The following OLFML2A variants were observed in gnomAD, a reference collection of about 807,000 sequenced individuals.
OLFML2A encodes olfactomedin like 2A.
In OLFML2A, 47 loss-of-function variants were observed where a neutral mutation model predicts 60.9. That is an observed-to-expected ratio of 0.77 (90% CI 0.61 to 0.98). The LOEUF is 0.98. Among genes scored for constraint, OLFML2A ranks in the 50% least tolerant of loss-of-function variants. The probability of loss-of-function intolerance (pLI) is 0.00; values close to 1 mark genes in which losing one functional copy is unlikely to be tolerated. For synonymous variants in OLFML2A, 372 were observed against 375.0 expected (o/e 0.99, Z 0.09); for missense variants, 922 against 879.8 (o/e 1.05, Z -0.61).
rs867837741 is a variant in OLFML2A at position 124,805,817 on chromosome 9, T to G, written c.1168+1475T>G. Among the ~76,000 whole-genome samples the G allele has an allele frequency of 7.3e-3, 967 of 132,576 alleles. 8 individuals are homozygous for G. The highest frequency in any genetic ancestry group is 0.026 in the African/African-American group (897 of 34,828). The allele number at this position is 132,576 out of a possible 152,430, so 87.0% of individuals were successfully genotyped here. On this transcript the variant is annotated intron_variant, in intron 6 of 7. Transcript: ENST00000373580. ...TGTTTTGGTTTTTTTGGTTTTTTTTTTTTTTTTTTTTTTTTTGAGACGGAG... is the reference window on the plus strand; with the variant it reads ...TGTTTTGGTTTTTTTGGTTTTTTTTGTTTTTTTTTTTTTTTTGAGACGGAG...
rs572442484 is a variant in OLFML2A, at chr9:124,783,401, G to C, written c.91-3574G>C. ...GTGGGAGGATCGCCTGATCCCAGGA[G>C]GTCAAGGTGTGATAAGGCCACTCCA... is the stretch of plus-strand genomic sequence containing the variant. On this transcript the variant is annotated intron_variant, in intron 1 of 7. Transcript: ENST00000373580. Among the ~76,000 whole-genome samples, 5 of 152,236 alleles carry C rather than the reference G, an allele frequency of 3.3e-5. No individual in the cohort carries two copies. The East Asian group carries it at 9.7e-4, about 29-fold the overall frequency.
rs1254386023 is a variant in OLFML2A at position 124,787,040 on chromosome 9, C to A, written c.156C>A (p.Ile52=). The change falls in exon 2 of 8, where the codon ATC becomes ATA. Residue 52 remains isoleucine (I), a synonymous_variant. Transcript: ENST00000373580. ...GCTCCGACTGCCGTTGCAAGTGCAT[C>A]ATGCGGCCCCTGAGCAAGGACGCGT... The part of the protein sequence containing the change: ...SEGSDCRCKC[I]MRPLSKDACS... The A allele has an allele frequency of 5.6e-6, 9 of 1,614,042 alleles. No homozygotes were observed. The African/African-American group carries it at 8.0e-5, about 14-fold the overall frequency.
chr9:124,789,128 C>G (rs901396250), intron 2 of OLFML2A, among the ~76,000 whole-genome samples: 17 of 152,184 alleles, frequency 1.1e-4, no homozygotes, highest in Non-Finnish European at 2.5e-4. Context: ...TGGAGTCTTG[C>G]TATGTTGCTC....
At chr9:124,778,408 G>T (rs989176954) in intron 1 of OLFML2A, among the ~76,000 whole-genome samples, 19 of 151,290 alleles carry the variant, frequency 1.3e-4, no homozygotes, top group Non-Finnish European at 2.7e-4. Context: ...AGCACTTGGG[G>T]TGTTCTGGAA....
At chr9:124,782,611 G>A (rs1451170614) in intron 1 of OLFML2A, among the ~76,000 whole-genome samples, 1 of 152,182 alleles carries the variant, frequency 6.6e-6, no homozygotes, top group East Asian at 1.9e-4. Flanking sequence ...TCCCCCTGGC[G>A]CTCTGCTGCC....
At chr9:124,799,106 T>C (rs1841720647) in intron 3 of OLFML2A, among the ~76,000 whole-genome samples, 179 bp from the exon 4 acceptor site, 1 of 152,152 alleles carries the variant, frequency 6.6e-6, no homozygotes, top group African/African-American at 2.4e-5. Context: ...ATTTAAAAAG[T>C]TCATAAACAC....
intron 4 of OLFML2A, chr9:124,801,117 C>A: frequency 6.8e-7 from 1 of 1,462,564 alleles, no homozygotes; most frequent in South Asian, 1.2e-5. Flanking sequence ...GCTGGTCCTT[C>A]TAGCCTGCCC....
intron 1 of OLFML2A, 29 bp from the exon 2 acceptor site, chr9:124,786,946 A>C (rs1245233120): frequency 3.8e-6 from 6 of 1,591,980 alleles, no homozygotes; most frequent in South Asian, 1.1e-5. Flanking sequence ...GCAGCAACTC[A>C]CTGGAGCCCC....
chr9:124,800,443 G>C (rs1190770511), intron 4 of OLFML2A, among the ~76,000 whole-genome samples: 1 of 152,276 alleles, frequency 6.6e-6, no homozygotes, highest in Non-Finnish European at 1.5e-5. Context: ...CCATTTGGCA[G>C]ATGAGGCATG....
At chr9:124,807,991 G>T (rs368313970) in intron 7 of OLFML2A, 25 bp downstream of exon 7, 30 of 1,601,770 alleles carry the variant, frequency 1.9e-5, no homozygotes, top group Non-Finnish European at 2.5e-5. Context: ...GAGGTGGAGA[G>T]GGGGCTGGGT....
intron 2 of OLFML2A, among the ~76,000 whole-genome samples, chr9:124,792,005 G>A (rs1244613234): frequency 2.0e-5 from 3 of 152,170 alleles, no homozygotes; most frequent in Admixed American, 6.5e-5. Flanking sequence ...TCATAGCACA[G>A]GCTGCTCCCT....
rs929107948 is a variant in OLFML2A, at chr9:124,813,409, C to A, written c.*2997C>A. 1.3e-5 allele frequency: 2 copies of A among 152,248 alleles called. No homozygotes were observed. Among genetic ancestry groups the A allele is most frequent in the African/African-American group, 2.4e-5 (1 of 41,458 alleles). 9.4% of individuals were successfully genotyped at this position (152,248 alleles called of 1,614,324 possible). ...TAAGCCTGCCACGGGCGTATCCTTG[C>A]AGCCTCACAACAGTGGGAGGTCTGT... On this transcript the variant is annotated 3_prime_UTR_variant, in exon 8 of 8. Transcript: ENST00000373580.
chr9:124,779,551 G>T lies in OLFML2A; in HGVS notation c.90+2191G>T, dbSNP rs199801040. On this transcript the variant is annotated intron_variant, in intron 1 of 7. Coordinates refer to ENST00000373580, the MANE Select transcript of OLFML2A (RefSeq NM_182487.4). This position sits in a 1 kb window ranked among gnomAD's most constrained non-coding sequence, Gnocchi z 4.1. The stretch of plus-strand genomic sequence containing the variant: ...CTAGGTTGTGTGTGTGTGTGGTGGG[G>T]GGGGGGTGTTTAGCTGTCCCAGGAC... Among the ~76,000 whole-genome samples the T allele has an allele frequency of 3.9e-3, 598 of 152,098 alleles. 11 individuals are homozygous for T. Among genetic ancestry groups the T allele is most frequent in the African/African-American group, 0.014 (573 of 41,500 alleles).
intron 3 of OLFML2A, among the ~76,000 whole-genome samples, chr9:124,796,103 T>C (rs1341137229): frequency 6.6e-6 from 1 of 152,222 alleles, no homozygotes; most frequent in African/African-American, 2.4e-5. Flanking sequence ...GCGTGGGGGC[T>C]TCCTTTCCCA....
chr9:124,785,090 G>A (rs10986420), intron 1 of OLFML2A, among the ~76,000 whole-genome samples: 88,967 of 150,580 alleles, frequency 0.59, 26,907 homozygotes, highest in East Asian at 0.75. Flanking sequence ...AGTAGCTGGG[G>A]CTACAGGCAT....
intron 7 of OLFML2A, among the ~76,000 whole-genome samples, chr9:124,808,324 G>A (rs1841943939): frequency 6.6e-6 from 1 of 152,148 alleles, no homozygotes. Flanking sequence ...TCAGCTCTTG[G>A]TAGCTACATA....
chr9:124,808,021 G>A (rs941066628), intron 7 of OLFML2A, 55 bp downstream of exon 7: 15 of 1,371,746 alleles, frequency 1.1e-5, no homozygotes, highest in Admixed American at 5.3e-5. Flanking sequence ...CTGGGGAGGG[G>A]TCCTCATGGG....
intron 4 of OLFML2A, among the ~76,000 whole-genome samples, chr9:124,800,075 A>C (rs1208785676): frequency 1.3e-5 from 2 of 152,256 alleles, no homozygotes; most frequent in African/African-American, 4.8e-5. Flanking sequence ...ACCTGCGTGC[A>C]AATGTGATAA....
At chr9:124,805,019 C>A (rs1330624566) in intron 6 of OLFML2A, among the ~76,000 whole-genome samples, 1 of 152,156 alleles carries the variant, frequency 6.6e-6, no homozygotes, top group East Asian at 1.9e-4. Flanking sequence ...GTATTTTCAA[C>A]AAATTCTTCT....
Sources: gnomAD v4.1 joint callset for allele counts (sites outside exome capture counted in the v4.1 genomes callset) on GRCh38, gnomAD v4.1.1 for gene constraint, Gnocchi (gnomAD v3.1) non-coding constraint, MANE v1.5 for transcripts, NCBI Gene and HGNC (gene_info 2026-07-23, HGNC 2026-07-21) for gene names.